PEAK1: variants seen among roughly 807,000 people sequenced by gnomAD.
The protein encoded by PEAK1 is pseudopodium enriched atypical kinase 1, also known as inactive tyrosine-protein kinase PEAK1.
PEAK1 carries 54 observed loss-of-function variants against 124.7 expected under a neutral mutation model. That is an observed-to-expected ratio of 0.43 (90% CI 0.35 to 0.54). The LOEUF is 0.54. Among genes scored for constraint, PEAK1 ranks in the 20% least tolerant of loss-of-function variants. PEAK1 has a pLI of 0.01. For synonymous variants in PEAK1, 719 were observed against 760.0 expected (o/e 0.95, Z 0.89); for missense variants, 2,046 against 2,134.5 (o/e 0.96, Z 0.82).
Position 77,183,439 on chromosome 15 carries a change from T to A in PEAK1, c.-114-1399A>T, listed in dbSNP as rs574772850. Among the ~76,000 whole-genome samples, 15 of 152,314 alleles carry A rather than the reference T, an allele frequency of 9.8e-5. No individual in the cohort carries two copies. The East Asian group carries it at 2.9e-3, about 29-fold the overall frequency. ...AATACATAAAATTATAAAATAAAATTATGAAATACGTAAAATTTCATTACA... is the reference window on the plus strand; with the variant it reads ...AATACATAAAATTATAAAATAAAATAATGAAATACGTAAAATTTCATTACA... On this transcript the variant is annotated intron_variant, in intron 6 of 9. Transcript: ENST00000682557.
chr15:77,392,761 C>T (rs1359401248), intron 1 of PEAK1, among the ~76,000 whole-genome samples: 1 of 152,214 alleles, frequency 6.6e-6, no homozygotes, highest in Non-Finnish European at 1.5e-5. Context: ...ACCAATCGTC[C>T]TCCCTGCAGG....
intron 5 of PEAK1, among the ~76,000 whole-genome samples, chr15:77,261,098 C>A (rs1350947178): frequency 2.6e-5 from 4 of 152,114 alleles, no homozygotes; most frequent in African/African-American, 9.7e-5. Flanking sequence ...ACAGAAAGGA[C>A]ATCCACACCA....
intron 6 of PEAK1, among the ~76,000 whole-genome samples, chr15:77,215,367 C>G (rs1310077182): frequency 1.3e-5 from 2 of 152,150 alleles, no homozygotes; most frequent in Admixed American, 6.5e-5. Context: ...AGCTAGTTCC[C>G]AATTCTGATA....
chr15:77,244,391 A>G (rs2060487318), intron 6 of PEAK1, among the ~76,000 whole-genome samples: 5 of 152,172 alleles, frequency 3.3e-5, no homozygotes, highest in Admixed American at 3.3e-4. Flanking sequence ...CAGTGGATCT[A>G]TTAACATTTT....
At chr15:77,190,138 T>C (rs2057760430) in intron 6 of PEAK1, among the ~76,000 whole-genome samples, 1 of 152,186 alleles carries the variant, frequency 6.6e-6, no homozygotes, top group African/African-American at 2.4e-5. Flanking sequence ...GCATTATTTT[T>C]CCAATTAAAA....
intron 6 of PEAK1, among the ~76,000 whole-genome samples, chr15:77,241,165 C>G (rs1464229180): frequency 2.0e-5 from 3 of 152,092 alleles, no homozygotes; most frequent in Non-Finnish European, 4.4e-5. Flanking sequence ...CTGGAATATA[C>G]AGAAAGTCCA....
intron 7 of PEAK1, among the ~76,000 whole-genome samples, chr15:77,159,125 A>ATAGTATT (rs2055408615): frequency 6.6e-6 from 1 of 152,168 alleles, no homozygotes; most frequent in Non-Finnish European, 1.5e-5. Context: ...TAATTTATAT[A>ATAGTATT]TAGTATTTAG....
chr15:77,382,405 C>T (rs2069556088), intron 1 of PEAK1, among the ~76,000 whole-genome samples: 1 of 152,182 alleles, frequency 6.6e-6, no homozygotes. Context: ...CATACCTTGG[C>T]TCATTCTTTC....
Position 77,376,000 on chromosome 15 carries a change from A to AAAT in PEAK1, c.-665-10776_-665-10775insATT, listed in dbSNP as rs2068992263. ...GGAGACAGAGCGAGACTCCGTCTCA[A>AAAT]AAATAAATAAATAAATAAATAAATA... On this transcript the variant is annotated intron_variant, in intron 1 of 9. Transcript: ENST00000682557. 3.4e-5 allele frequency among the ~76,000 whole-genome samples: 5 copies of AAAT among 145,348 alleles called. No individual in the cohort carries two copies. In the East Asian group the frequency reaches 8.2e-4, roughly 24 times the overall value.
intron 8 of PEAK1, among the ~76,000 whole-genome samples, chr15:77,145,966 A>AACTTAT (rs2054147790): frequency 6.6e-6 from 1 of 152,154 alleles, no homozygotes; most frequent in South Asian, 2.1e-4. Flanking sequence ...AAATAAATAG[A>AACTTAT]ACTTATCTTC....
At chr15:77,408,883 C>A (rs2072159577) in intron 1 of PEAK1, among the ~76,000 whole-genome samples, 1 of 152,060 alleles carries the variant, frequency 6.6e-6, no homozygotes, top group Non-Finnish European at 1.5e-5. Context: ...TCATCCTGGG[C>A]AACACAGGGA....
At chr15:77,255,268 A>C (rs1178085484) in intron 5 of PEAK1, 33 of 701,388 alleles carry the variant, frequency 4.7e-5, no homozygotes, top group Non-Finnish European at 1.8e-6. Flanking sequence ...ATTCCTGTGT[A>C]ATAACAACAA....
chr15:77,161,686 A>G (rs139860057), intron 7 of PEAK1, among the ~76,000 whole-genome samples: 2 of 152,218 alleles, frequency 1.3e-5, no homozygotes, highest in East Asian at 1.9e-4. Context: ...TAAAATGATA[A>G]AAGAGGCCAG....
chr15:77,278,513 G>T, intron 5 of PEAK1: 1 of 497,506 alleles, frequency 2.0e-6, no homozygotes, highest in Non-Finnish European at 4.0e-6. Flanking sequence ...TAAAGCCAAA[G>T]TGAGGGACAA....
Position 77,179,715 on chromosome 15 carries a change from T to G in PEAK1, c.2212A>C (p.Thr738Pro). ...TCTATTTTGGCCACAGGCTCTTGAG[T>G]GGCTCTCTGGATCTTTGCTGGGGAG... ...HSSPAKIQRA[T>P]QEPVAKIEGT... The change falls in exon 7 of 10, where the codon ACT (threonine) becomes CCT (proline). Residue 738 changes from threonine to proline, a missense_variant. By Grantham distance (38) the Thr-to-Pro change is conservative. Transcript: ENST00000682557. 2 of 1,614,064 alleles carry G rather than the reference T, an allele frequency of 1.2e-6. No individual in the cohort carries two copies. Among genetic ancestry groups the G allele is most frequent in the Non-Finnish European group, 1.7e-6 (2 of 1,180,014 alleles).
chr15:77,128,821 A>G (rs1294386387), intron 9 of PEAK1, among the ~76,000 whole-genome samples: 3 of 152,218 alleles, frequency 2.0e-5, no homozygotes, highest in African/African-American at 7.2e-5. Context: ...GATTTAGATG[A>G]TATTTAGATG....
chr15:77,375,705 G>GT (rs1448045851), intron 1 of PEAK1, among the ~76,000 whole-genome samples: 1 of 152,078 alleles, frequency 6.6e-6, no homozygotes, highest in Non-Finnish European at 1.5e-5. Flanking sequence ...AAAAATAAAT[G>GT]TAATAATAGG....
intron 1 of PEAK1, among the ~76,000 whole-genome samples, chr15:77,411,348 CTTAA>C (rs2072396926): frequency 6.6e-6 from 1 of 152,246 alleles, no homozygotes; most frequent in African/African-American, 2.4e-5. Flanking sequence ...CACTGAGTGG[CTTAA>C]TTGATAGCCA....
At position 77,180,186 on chromosome 15, in the gene PEAK1, T is replaced by G. The variant is rs761317716; in HGVS notation, c.1741A>C (p.Lys581Gln). Residue 581 changes from lysine to glutamine, a missense_variant, in exon 7 of 10, where the codon AAA (lysine) becomes CAA (glutamine). Coordinates refer to ENST00000682557, the MANE Select transcript of PEAK1 (RefSeq NM_001385026.1). ...TTAGGTGACTTAACAGGGATGGTTT[T>G]GGAGGAAATGTTTGTAGCTGTGGGT... is the stretch of plus-strand genomic sequence containing the variant. ...TSPTATNISS[K>Q]TIPVKSPNLS... 22 of 1,614,046 alleles carry G rather than the reference T, an allele frequency of 1.4e-5. No homozygotes were observed. The African/African-American group carries it at 2.7e-4, about 20-fold the overall frequency.
Sources: allele counts gnomAD v4.1 joint callset (sites outside exome capture counted in the v4.1 genomes callset), GRCh38; gene constraint gnomAD v4.1.1; transcripts MANE v1.5; gene names NCBI Gene and HGNC (gene_info 2026-07-23, HGNC 2026-07-21).